Variants in GRIA1 observed in about 807,000 individuals in gnomAD.
The protein encoded by GRIA1 is glutamate receptor 1.
GRIA1 carries 31 observed loss-of-function variants against 99.2 expected under a neutral mutation model. That is an observed-to-expected ratio of 0.31 (90% CI 0.23 to 0.42). The LOEUF (loss-of-function observed/expected upper bound fraction) is 0.42, where lower values mean the gene tolerates loss of function less well. Ranked by LOEUF, GRIA1 falls within the 10% of genes least tolerant of loss-of-function variation. The pLI is 1.00. For synonymous variants in GRIA1, 438 were observed against 432.4 expected (o/e 1.01, Z -0.16); for missense variants, 782 against 1,157.5 (o/e 0.68, Z 4.71).
chr5:153,490,470 G>A (rs1305019979), upstream of GRIA1: 1 of 224,354 alleles, frequency 4.5e-6, no homozygotes. Flanking sequence ...GAGGAAGGGG[G>A]AACAGGTAGG....
At position 153,674,526 on chromosome 5, in the gene GRIA1, A is replaced by G. The variant is rs758801899; in HGVS notation, c.726A>G (p.Lys242=). 1.2e-6 allele frequency: 2 copies of G among 1,613,964 alleles called. No homozygotes were observed. Among genetic ancestry groups the G allele is most frequent in the Non-Finnish European group, 1.7e-6 (2 of 1,179,988 alleles). The change falls in exon 6 of 16, where the codon AAA becomes AAG. Residue 242 remains lysine, a synonymous_variant. Transcript: ENST00000285900. ...GCTTCATGGACATTGACTTAAACAA[A>G]TTCAAGGAGAGTGGCGCCAATGTGA... ...NLGFMDIDLN[K]FKESGANVTG... is the part of the protein sequence containing the mutation.
intron 2 of GRIA1, among the ~76,000 whole-genome samples, chr5:153,585,844 G>A (rs1451635947): frequency 1.3e-5 from 2 of 151,942 alleles, no homozygotes; most frequent in Admixed American, 6.6e-5. Context: ...AGTGACTATC[G>A]CTATCATAAG....
intron 2 of GRIA1, among the ~76,000 whole-genome samples, chr5:153,594,235 T>A (rs1175274380): frequency 6.6e-6 from 1 of 152,192 alleles, no homozygotes; most frequent in Non-Finnish European, 1.5e-5. Context: ...AGACATTCTG[T>A]AAGCTTTTTC....
intron 2 of GRIA1, among the ~76,000 whole-genome samples, chr5:153,553,608 A>G (rs1760351365): frequency 1.3e-5 from 2 of 152,098 alleles, no homozygotes; most frequent in South Asian, 4.1e-4. Context: ...CCGCATGCAC[A>G]GTGTGTTTAC....
At chr5:153,529,268 G>A (rs974788803) in intron 2 of GRIA1, among the ~76,000 whole-genome samples, 7 of 152,178 alleles carry the variant, frequency 4.6e-5, no homozygotes, top group African/African-American at 1.7e-4. Context: ...TTGTAGAGGG[G>A]CCAGGAGGTC....
chr5:153,801,328 C>A (rs1294218325), intron 14 of GRIA1, among the ~76,000 whole-genome samples: 1 of 146,184 alleles, frequency 6.8e-6, no homozygotes, highest in Non-Finnish European at 1.5e-5. Context: ...CCACCTCCCA[C>A]CATGACCATC....
rs768885242 is a variant in GRIA1 at position 153,747,603 on chromosome 5, A to C, written c.1824-16831A>C. 8.5e-5 allele frequency among the ~76,000 whole-genome samples: 13 copies of C among 152,312 alleles called. No individual in the cohort carries two copies. In the South Asian group the frequency reaches 1.2e-3, roughly 15 times the overall value. On this transcript the variant is annotated intron_variant, in intron 11 of 15. Coordinates refer to ENST00000285900, the MANE Select transcript of GRIA1 (RefSeq NM_000827.4). ...TATGATGGTGAATATGTTTGGGGCA[A>C]AGTGAAATTGTTGCTTGTTCACATT... is the stretch of plus-strand genomic sequence containing the variant.
Position 153,756,474 on chromosome 5 carries a change from A to G in GRIA1, c.1824-7960A>G, listed in dbSNP as rs562510422. Among the ~76,000 whole-genome samples, 6 of 152,340 alleles carry G rather than the reference A, an allele frequency of 3.9e-5. No homozygotes were observed. In the South Asian group the frequency reaches 1.2e-3, roughly 32 times the overall value. On this transcript the variant is annotated intron_variant, in intron 11 of 15. Transcript: ENST00000285900. ...CTGCTGGGAAGCATACATGTCTGCA[A>G]CACTGTAGGCAGGGTTGCCAACATC...
chr5:153,713,944 C>T (rs1184427506), intron 11 of GRIA1, among the ~76,000 whole-genome samples: 1 of 152,166 alleles, frequency 6.6e-6, no homozygotes, highest in Non-Finnish European at 1.5e-5. Flanking sequence ...AAAGCTCCTA[C>T]TCTCCTGGAG....
chr5:153,511,927 A>G (rs1756118997), intron 2 of GRIA1, among the ~76,000 whole-genome samples: 1 of 152,242 alleles, frequency 6.6e-6, no homozygotes, highest in South Asian at 2.1e-4. Context: ...AGCCAGTTCT[A>G]GGTAACCTAC....
At chr5:153,802,918 G>T (rs1411739008) in intron 15 of GRIA1, among the ~76,000 whole-genome samples, 2 of 152,100 alleles carry the variant, frequency 1.3e-5, no homozygotes, top group East Asian at 1.9e-4. Context: ...CTTTTCTTAG[G>T]CTCCACTCTA....
At chr5:153,563,655 T>C (rs997815821) in intron 2 of GRIA1, among the ~76,000 whole-genome samples, 1 of 152,182 alleles carries the variant, frequency 6.6e-6, no homozygotes, top group African/African-American at 2.4e-5. Flanking sequence ...GTGGAGCAGA[T>C]CAAAAACATC....
At chr5:153,577,128 G>A (rs967571933) in intron 2 of GRIA1, among the ~76,000 whole-genome samples, 1 of 131,326 alleles carries the variant, frequency 7.6e-6, no homozygotes, top group African/African-American at 2.8e-5. Flanking sequence ...GTAGATGAAT[G>A]GGTGGATGGA....
At chr5:153,650,273 G>C (rs1417819964) in intron 3 of GRIA1, 57 bp from the exon 4 acceptor site, 43 of 1,501,930 alleles carry the variant, frequency 2.9e-5, no homozygotes, top group Non-Finnish European at 3.8e-5. Flanking sequence ...ATGGGAGTGG[G>C]TGGTGCCCAC....
chr5:153,492,160 A>AG (rs370069165), intron 1 of GRIA1: 56 of 1,491,756 alleles, frequency 3.8e-5, no homozygotes, highest in African/African-American at 3.6e-4. Flanking sequence ...TGTGTGTTTG[A>AG]GGGGGGATGT....
intron 2 of GRIA1, among the ~76,000 whole-genome samples, chr5:153,625,964 G>C (rs1318145407): frequency 6.6e-6 from 1 of 152,138 alleles, no homozygotes; most frequent in Non-Finnish European, 1.5e-5. Context: ...TAGCGATCTG[G>C]TGCCTACGCC....
At chr5:153,801,578 A>G (rs1318415516) in intron 14 of GRIA1, among the ~76,000 whole-genome samples, 1 of 152,194 alleles carries the variant, frequency 6.6e-6, no homozygotes, top group East Asian at 1.9e-4. Context: ...AAGATCTTTT[A>G]TCTCAGGCAA....
intron 13 of GRIA1, among the ~76,000 whole-genome samples, chr5:153,785,198 C>T (rs142548078): frequency 5.3e-5 from 8 of 152,058 alleles, no homozygotes; most frequent in African/African-American, 1.9e-4. Context: ...ACCCTCAAGC[C>T]CCATGGAAGG....
intron 2 of GRIA1, among the ~76,000 whole-genome samples, chr5:153,521,686 C>T (rs1380849787): frequency 2.6e-5 from 4 of 152,046 alleles, no homozygotes. Context: ...AAGCTAAGGA[C>T]AATAATGAAA....
Sources: allele counts gnomAD v4.1 joint callset (sites outside exome capture counted in the v4.1 genomes callset), GRCh38; gene constraint gnomAD v4.1.1; transcripts MANE v1.5; gene names NCBI Gene and HGNC (gene_info 2026-07-23, HGNC 2026-07-21).